The following SLC26A7 variants were observed in gnomAD, a reference collection of about 807,000 sequenced individuals.
The protein encoded by SLC26A7 is anion exchange transporter.
A neutral mutation model predicts 82.5 loss-of-function variants in SLC26A7; 59 were observed. The ratio of observed to expected loss-of-function variants is 0.72; its 90% confidence interval spans 0.58 to 0.89. The LOEUF is 0.89. Among genes scored for constraint, SLC26A7 ranks in the 40% least tolerant of loss-of-function variants. The probability of loss-of-function intolerance (pLI) is 0.00; values close to 1 mark genes in which losing one functional copy is unlikely to be tolerated. For synonymous variants in SLC26A7, 271 were observed against 274.3 expected, an observed-to-expected ratio of 0.99 and a Z score of 0.12; for missense variants, 820 against 793.0, an observed-to-expected ratio of 1.03 and a Z score of -0.41.
chr8:91,259,208 A>G (rs1033454733), intron 2 of SLC26A7, among the ~76,000 whole-genome samples: 3 of 152,070 alleles, frequency 2.0e-5, no homozygotes, highest in African/African-American at 7.2e-5. Context: ...TAGTCATCTA[A>G]TCACACAGGT....
At chr8:91,339,287 A>T (rs1174772990) in intron 7 of SLC26A7, among the ~76,000 whole-genome samples, 1 of 152,138 alleles carries the variant, frequency 6.6e-6, no homozygotes, top group South Asian at 2.1e-4. Flanking sequence ...GTTAAAAAAA[A>T]AAGTCACGCC....
chr8:91,343,928 A>T (rs1001139563), intron 9 of SLC26A7: 6 of 552,072 alleles, frequency 1.1e-5, no homozygotes, highest in Non-Finnish European at 1.4e-5. Context: ...AAGTTAAACA[A>T]TTATATTTTT....
intron 2 of SLC26A7, among the ~76,000 whole-genome samples, chr8:91,274,448 C>CAG (rs138641404): frequency 2.7e-5 from 4 of 150,526 alleles, no homozygotes; most frequent in East Asian, 1.9e-4. Context: ...TAGTGGTAGA[C>CAG]AGAGAGAGAG....
At chr8:91,363,090 T>C (rs1479442682) in intron 12 of SLC26A7, among the ~76,000 whole-genome samples, 1 of 152,064 alleles carries the variant, frequency 6.6e-6, no homozygotes, top group Non-Finnish European at 1.5e-5. Context: ...AGTCTTTCTT[T>C]ATAGAATTTA....
intron 2 of SLC26A7, among the ~76,000 whole-genome samples, chr8:91,255,264 A>C (rs1056993856): frequency 4.6e-5 from 7 of 152,112 alleles, no homozygotes; most frequent in Non-Finnish European, 8.8e-5. Flanking sequence ...CTGCAAACAA[A>C]AGATGGATGT....
chr8:91,335,079 TA>T (rs553030884), intron 6 of SLC26A7, among the ~76,000 whole-genome samples: 37 of 152,286 alleles, frequency 2.4e-4, no homozygotes, highest in African/African-American at 8.7e-4. Flanking sequence ...TACAAAGCAT[TA>T]AGTTGAAAAT....
intron 5 of SLC26A7, among the ~76,000 whole-genome samples, chr8:91,331,311 C>A (rs1401344465): frequency 1.3e-5 from 2 of 152,076 alleles, no homozygotes; most frequent in Non-Finnish European, 2.9e-5. Flanking sequence ...GAAGGTCTTT[C>A]CATGTCAATA....
intron 2 of SLC26A7, among the ~76,000 whole-genome samples, chr8:91,223,316 A>T (rs1188883636): frequency 6.6e-6 from 1 of 151,488 alleles, no homozygotes; most frequent in Non-Finnish European, 1.5e-5. Flanking sequence ...AGGGTTTTTC[A>T]TGTCTCTAAT....
At position 91,362,253 on chromosome 8, in the gene SLC26A7, TCA is replaced by T. The variant is rs1173794453; in HGVS notation, c.1315-97_1315-96del. On this transcript the variant is annotated intron_variant, in intron 11 of 18. Transcript: ENST00000276609. ...AATATTTTCTTGCTGAAAGATTTGG[TCA>T]CAAGAGTGTTAAGAATATGATTGTG... The T allele has an allele frequency of 4.0e-6, 3 of 745,500 alleles. No individual in the cohort carries two copies. In the East Asian group the frequency reaches 8.1e-5, roughly 20 times the overall value. 46.2% of individuals were successfully genotyped at this position (745,500 alleles called of 1,614,324 possible). A position where few individuals can be genotyped will look rare whatever the true frequency, so the allele number is the denominator to read the frequency against.
At chr8:91,394,696 T>C in intron 18 of SLC26A7, 1 of 1,092,310 alleles carries the variant, frequency 9.2e-7, no homozygotes, top group Non-Finnish European at 1.1e-6. Context: ...AACACTATTA[T>C]TATTAAATCT....
chr8:91,346,655 A>G (rs1813571896), intron 9 of SLC26A7, among the ~76,000 whole-genome samples: 1 of 152,202 alleles, frequency 6.6e-6, no homozygotes, highest in South Asian at 2.1e-4. Flanking sequence ...GTGGAAAGTT[A>G]TCTTTACAAA....
chr8:91,267,235 T>C (rs1025727201), intron 2 of SLC26A7, among the ~76,000 whole-genome samples: 1 of 151,828 alleles, frequency 6.6e-6, no homozygotes, highest in East Asian at 1.9e-4. Context: ...TGTTGTGTCT[T>C]TATCTTATTT....
intron 4 of SLC26A7, among the ~76,000 whole-genome samples, chr8:91,317,107 A>G (rs1441929018): frequency 1.3e-5 from 2 of 150,568 alleles, no homozygotes; most frequent in Non-Finnish European, 3.0e-5. Context: ...TTGCAGTGAG[A>G]CATGGTCATG....
intron 2 of SLC26A7, among the ~76,000 whole-genome samples, chr8:91,257,686 C>T (rs759643301): frequency 4.6e-5 from 7 of 151,580 alleles, no homozygotes; most frequent in South Asian, 2.1e-4. Context: ...TCCTTCTATA[C>T]AGTTTGTTTT....
intron 2 of SLC26A7, among the ~76,000 whole-genome samples, chr8:91,235,920 TCTTAA>T (rs1362023508): frequency 7.2e-5 from 11 of 152,340 alleles, no homozygotes; most frequent in East Asian, 5.8e-4. Flanking sequence ...TACTTGGGAT[TCTTAA>T]CTTAATTTCT....
chr8:91,231,810 T>C (rs144079809), intron 2 of SLC26A7, among the ~76,000 whole-genome samples: 2 of 152,254 alleles, frequency 1.3e-5, no homozygotes, highest in African/African-American at 4.8e-5. Flanking sequence ...TGTGTGCACA[T>C]GTGAGCATTG....
At position 91,344,101 on chromosome 8, in the gene SLC26A7, T is replaced by C. The variant is rs186729972; in HGVS notation, c.1140+635T>C. On this transcript the variant is annotated intron_variant, in intron 9 of 18. Coordinates refer to ENST00000276609, the MANE Select transcript of SLC26A7 (RefSeq NM_052832.4). The stretch of plus-strand genomic sequence containing the variant: ...GATGGTGGTAGTGGTGGAAAAGATA[T>C]TGAGTTGTGTGCCAGGCATTGGCTG... 2.6e-4 allele frequency: 259 copies of C among 985,370 alleles called. No homozygotes were observed. The African/African-American group carries it at 3.5e-3, about 13-fold the overall frequency. The allele number at this position is 985,370 out of a possible 1,614,324, so 61.0% of individuals were successfully genotyped here. A position where few individuals can be genotyped will look rare whatever the true frequency, so the allele number is the denominator to read the frequency against.
chr8:91,366,874 T>TA (rs1177370887), intron 14 of SLC26A7, among the ~76,000 whole-genome samples, 157 bp downstream of exon 14: 6 of 152,218 alleles, frequency 3.9e-5, no homozygotes, highest in Non-Finnish European at 8.8e-5. Flanking sequence ...AGTTAATTTT[T>TA]AGGTAATCAC....
chr8:91,371,186 G>A (rs1465614529), intron 15 of SLC26A7, among the ~76,000 whole-genome samples: 1 of 151,840 alleles, frequency 6.6e-6, no homozygotes, highest in Non-Finnish European at 1.5e-5. Context: ...GAAATAGGTT[G>A]ATGCTGAAAA....
Sources: gnomAD v4.1 joint callset for allele counts (sites outside exome capture counted in the v4.1 genomes callset) on GRCh38, gnomAD v4.1.1 for gene constraint, MANE v1.5 for transcripts, NCBI Gene and HGNC (gene_info 2026-07-23, HGNC 2026-07-21) for gene names.